Variants in NETO1 observed in about 807,000 individuals in gnomAD.
The protein encoded by NETO1 is neuropilin and tolloid-like protein 1.
In NETO1, 26 loss-of-function variants were observed where a neutral mutation model predicts 61.3. The ratio of observed to expected loss-of-function variants is 0.42; its 90% CI spans 0.31 to 0.59. The LOEUF (loss-of-function observed/expected upper bound fraction) is 0.59. Among genes scored for constraint, NETO1 ranks in the 20% least tolerant of loss-of-function variants. The probability of loss-of-function intolerance (pLI) is 0.12; values close to 1 mark genes in which losing one functional copy is unlikely to be tolerated. For synonymous variants in NETO1, 225 were observed against 225.8 expected, an observed-to-expected ratio of 1.00 and a Z score of 0.03; for missense variants, 531 against 662.8, an observed-to-expected ratio of 0.80 and a Z score of 2.18.
Position 72,747,915 on chromosome 18 carries a change from T to G in NETO1, c.*264A>C, listed in dbSNP as rs2070466722. ...GGGATAGTCTTAATCGGGAACTAATTTCTTCTTCAAGTTTCCAGTTAATCT... is the reference window on the plus strand; with the variant it reads ...GGGATAGTCTTAATCGGGAACTAATGTCTTCTTCAAGTTTCCAGTTAATCT... On this transcript the variant is annotated 3_prime_UTR_variant, in exon 11 of 11. Transcript: ENST00000327305. 6.5e-6 allele frequency: 1 copy of G among 154,440 alleles called. No homozygotes were observed. Among genetic ancestry groups the G allele is most frequent in the Non-Finnish European group, 1.4e-5 (1 of 70,096 alleles). 9.6% of individuals were successfully genotyped at this position (154,440 alleles called of 1,614,324 possible).
intron 4 of NETO1, among the ~76,000 whole-genome samples, chr18:72,818,048 C>G (rs1397692922): frequency 6.6e-6 from 1 of 152,122 alleles, no homozygotes; most frequent in Non-Finnish European, 1.5e-5. Context: ...TGAAATCATC[C>G]ATCTTTTTTT....
chr18:72,817,169 G>A (rs916055890), intron 4 of NETO1, among the ~76,000 whole-genome samples: 1 of 152,180 alleles, frequency 6.6e-6, no homozygotes, highest in Non-Finnish European at 1.5e-5. Flanking sequence ...GCAACATGCT[G>A]AGCCTCTGAC....
At chr18:72,801,257 C>T (rs531558573) in intron 4 of NETO1, among the ~76,000 whole-genome samples, 7 of 152,178 alleles carry the variant, frequency 4.6e-5, no homozygotes, top group African/African-American at 1.7e-4. Flanking sequence ...TGATTAGACT[C>T]TTCCTCAGTA....
intron 7 of NETO1, among the ~76,000 whole-genome samples, chr18:72,780,176 G>A (rs972793339): frequency 2.6e-5 from 4 of 152,186 alleles, no homozygotes; most frequent in South Asian, 2.1e-4. Context: ...ACCTGTTTCC[G>A]TGGAAACTTC....
chr18:72,807,713 AGAACAC>A (rs1214923525), intron 4 of NETO1, among the ~76,000 whole-genome samples: 2 of 95,302 alleles, frequency 2.1e-5, no homozygotes, highest in African/African-American at 6.4e-5. Context: ...AATGAAGACA[AGAACAC>A]ACACACACAC....
chr18:72,854,283 A>G (rs1357641818), intron 4 of NETO1, among the ~76,000 whole-genome samples: 2 of 152,224 alleles, frequency 1.3e-5, no homozygotes, highest in Admixed American at 6.5e-5. Context: ...TTCAATGTCA[A>G]TGCCTAACTC....
At chr18:72,777,068 G>C (rs2071571544) in intron 7 of NETO1, among the ~76,000 whole-genome samples, 2 of 152,168 alleles carry the variant, frequency 1.3e-5, no homozygotes, top group East Asian at 1.9e-4. Flanking sequence ...GTCCAACAGG[G>C]AGACATAAGA....
chr18:72,800,398 G>A (rs1161736524), intron 4 of NETO1, among the ~76,000 whole-genome samples: 1 of 152,072 alleles, frequency 6.6e-6, no homozygotes, highest in East Asian at 1.9e-4. Context: ...TTGTGAAGCA[G>A]GGTTTTCTGC....
chr18:72,855,274 G>A (rs984838285), intron 4 of NETO1, among the ~76,000 whole-genome samples: 1 of 152,104 alleles, frequency 6.6e-6, no homozygotes, highest in Non-Finnish European at 1.5e-5. Flanking sequence ...TGCGCCCCCT[G>A]GCCCTTCTAC....
chr18:72,866,621 CATCTT>C (rs1599203957), intron 1 of NETO1: 2 of 765,536 alleles, frequency 2.6e-6, no homozygotes, highest in Non-Finnish European at 3.2e-6. Context: ...TCAACACTCT[CATCTT>C]TGCTTAGTAA....
Position 72,749,069 on chromosome 18 carries a change from G to A in NETO1, c.1561C>T (p.Leu521=), listed in dbSNP as rs200141025. 9 of 1,607,620 alleles carry A rather than the reference G, an allele frequency of 5.6e-6. No homozygotes were observed. The Admixed American group carries it at 1.5e-4, about 27-fold the overall frequency. ...TTGTATTCAGATTCATGTTTGCTTA[G>A]AGACCCAATGAGGCAGAACCTGGAA... ...AVQRFCLIGS[L]SKHESEYNTT... is the part of the protein sequence containing the mutation. Residue 521 remains leucine (L), a synonymous_variant, in exon 10 of 11, where the codon CTA becomes TTA. Coordinates refer to ENST00000327305, the MANE Select transcript of NETO1 (RefSeq NM_138966.5).
intron 7 of NETO1, among the ~76,000 whole-genome samples, chr18:72,771,043 G>T (rs11661233): frequency 0.32 from 49,012 of 151,738 alleles, 8,496 homozygotes; most frequent in South Asian, 0.48. Context: ...AATCTCAGAG[G>T]GTTATTGAGT....
At chr18:72,834,825 A>G in intron 4 of NETO1, 1 of 984,650 alleles carries the variant, frequency 1.0e-6, no homozygotes, top group Non-Finnish European at 1.2e-6. Context: ...AATTCACAAT[A>G]TTTTGGGGAG....
intron 6 of NETO1, among the ~76,000 whole-genome samples, chr18:72,792,243 C>G (rs1379973777): frequency 6.6e-6 from 1 of 152,052 alleles, no homozygotes; most frequent in Non-Finnish European, 1.5e-5. Context: ...ACCAGCCTGG[C>G]CAACGTGGAG....
chr18:72,834,627 T>A, intron 4 of NETO1: 1 of 983,682 alleles, frequency 1.0e-6, no homozygotes, highest in South Asian at 4.7e-5. Flanking sequence ...AAATTTATGT[T>A]TATAATTACT....
At chr18:72,819,154 AT>A (rs1599068596) in intron 4 of NETO1, among the ~76,000 whole-genome samples, 2 of 151,860 alleles carry the variant, frequency 1.3e-5, no homozygotes, top group African/African-American at 4.8e-5. Flanking sequence ...CTTACTGTTT[AT>A]CTCTTTCTCT....
intron 4 of NETO1, among the ~76,000 whole-genome samples, chr18:72,831,084 G>C (rs1055331478): frequency 6.6e-6 from 1 of 152,092 alleles, no homozygotes; most frequent in Non-Finnish European, 1.5e-5. Flanking sequence ...AGCCATTTCA[G>C]TATTTATTTC....
Position 72,750,068 on chromosome 18 carries a change from A to C in NETO1, c.1535T>G (p.Val512Gly). ...AAAATCTATTGATACTGACCGCTGG[A>C]CGGCTTTATCGTGTCTGGACAGCCT... ...SHRLSRHDKA[V>G]QRFCLIGSLS... Residue 512 changes from valine to glycine, a missense_variant, in exon 9 of 11, where the codon GTC (valine) becomes GGC (glycine). Coordinates refer to ENST00000327305, the MANE Select transcript of NETO1 (RefSeq NM_138966.5). 3 of 1,573,812 alleles carry C rather than the reference A, an allele frequency of 1.9e-6. No individual in the cohort carries two copies. The highest frequency in any genetic ancestry group is 2.6e-6 in the Non-Finnish European group (3 of 1,159,462).
At chr18:72,838,130 GTCC>G (rs1416502625) in intron 4 of NETO1, among the ~76,000 whole-genome samples, 1 of 152,188 alleles carries the variant, frequency 6.6e-6, no homozygotes, top group Non-Finnish European at 1.5e-5. Context: ...AAACAAGCCT[GTCC>G]TCCTTCTTCC....
Sources: allele counts gnomAD v4.1 joint callset (sites outside exome capture counted in the v4.1 genomes callset), GRCh38; gene constraint gnomAD v4.1.1; transcripts MANE v1.5; gene names NCBI Gene and HGNC (gene_info 2026-07-23, HGNC 2026-07-21).